RARRES1: variants seen among roughly 807,000 people sequenced by gnomAD.
RARRES1 encodes the protein retinoic acid receptor responder protein 1.
A neutral mutation model predicts 30.6 loss-of-function variants in RARRES1; 34 were observed. The ratio of observed to expected loss-of-function variants is 1.11; its 90% confidence interval spans 0.84 to 1.48. The LOEUF (loss-of-function observed/expected upper bound fraction) is 1.48, where lower values mean the gene tolerates loss of function less well. Among genes scored for constraint, RARRES1 ranks in the 40% most tolerant of loss-of-function variants. The probability of loss-of-function intolerance (pLI) is 0.00; values close to 1 mark genes in which losing one functional copy is unlikely to be tolerated. For synonymous variants in RARRES1, 153 were observed against 155.5 expected, an observed-to-expected ratio of 0.98 and a Z score of 0.12; for missense variants, 373 against 386.5, an observed-to-expected ratio of 0.97 and a Z score of 0.29.
Position 158,727,409 on chromosome 3 carries a change from C to G in RARRES1, c.276+4731G>C, listed in dbSNP as rs567842314. Among the ~76,000 whole-genome samples, 27 of 152,292 alleles carry G rather than the reference C, an allele frequency of 1.8e-4. No homozygotes were observed. In the East Asian group the frequency reaches 4.8e-3, roughly 27 times the overall value. On this transcript the variant is annotated intron_variant, in intron 1 of 5. Transcript: ENST00000237696. ...GGGTGTTTTGTTTAAGTGGCCAATT[C>G]CTAAACAATAGTGGATTCCAGAATG...
chr3:158,698,194 T>C, intron 4 of RARRES1: 2 of 507,296 alleles, frequency 3.9e-6, no homozygotes, highest in Non-Finnish European at 7.1e-6. Flanking sequence ...GTCTGTCACT[T>C]TTTCTGATGG....
intron 4 of RARRES1, 129 bp downstream of exon 4, chr3:158,704,662 C>G (rs1726853399): frequency 7.3e-7 from 1 of 1,371,850 alleles, no homozygotes; most frequent in African/African-American, 1.5e-5. Flanking sequence ...TGCAGGAACT[C>G]ACATATTTAT....
At chr3:158,716,298 C>A (rs1171995412) in intron 1 of RARRES1, among the ~76,000 whole-genome samples, 1 of 152,138 alleles carries the variant, frequency 6.6e-6, no homozygotes, top group African/African-American at 2.4e-5. Flanking sequence ...TTGATGTAGT[C>A]CCCCAGGGAA....
rs1727111109 is a variant in RARRES1 at position 158,710,920 on chromosome 3, TC to T, written c.352del (p.Glu118LysfsTer26). 1 of 1,613,758 alleles carries T rather than the reference TC, an allele frequency of 6.2e-7. No individual in the cohort carries two copies. The highest frequency in any genetic ancestry group is 1.3e-5 in the African/African-American group (1 of 74,900). Reference sequence around the variant, plus strand: ...ACATTTCCCCAAACGTCCCTCACCTTCCTGAAGTAAAGACTGTGGAGTTAAA... The same window carrying T: ...ACATTTCCCCAAACGTCCCTCACCTTCTGAAGTAAAGACTGTGGAGTTAAA... ...ERYNPESLLQ[E>X]GEGRLGKCSA... On this transcript the variant is annotated frameshift_variant, in exon 3 of 6. Coordinates refer to ENST00000237696, the MANE Select transcript of RARRES1 (RefSeq NM_206963.2). LOFTEE classifies it high-confidence loss of function.
At chr3:158,705,456 T>A (rs75610709) in intron 3 of RARRES1, among the ~76,000 whole-genome samples, 2 of 152,034 alleles carry the variant, frequency 1.3e-5, no homozygotes, top group African/African-American at 4.8e-5. Flanking sequence ...TTTTTTTTTT[T>A]AAGAGACAGG....
intron 1 of RARRES1, 28 bp from the exon 2 acceptor site, chr3:158,713,887 T>C (rs2108141824): frequency 6.3e-7 from 1 of 1,584,104 alleles, no homozygotes; most frequent in Non-Finnish European, 8.7e-7. Context: ...AATCTTAGTA[T>C]AGTAGAAGCT....
chr3:158,708,930 T>G (rs1242788877), intron 3 of RARRES1, among the ~76,000 whole-genome samples: 1 of 152,180 alleles, frequency 6.6e-6, no homozygotes, highest in African/African-American at 2.4e-5. Context: ...GTGCTGGGAT[T>G]GCAGGCATGA....
intron 3 of RARRES1, 102 bp downstream of exon 3, chr3:158,710,636 G>T: frequency 8.9e-7 from 1 of 1,125,816 alleles, no homozygotes; most frequent in Non-Finnish European, 1.3e-6. Context: ...TTAGTTGAAT[G>T]AAAGTGCCAC....
intron 1 of RARRES1, among the ~76,000 whole-genome samples, chr3:158,722,954 A>G (rs1444940780): frequency 1.3e-5 from 2 of 152,124 alleles, no homozygotes; most frequent in African/African-American, 4.8e-5. Context: ...GAGCAAATAA[A>G]AGAGCAGGGA....
Position 158,732,256 on chromosome 3 carries a change from C to A in RARRES1, c.160G>T (p.Val54Phe). 7.3e-7 allele frequency: 1 copy of A among 1,373,386 alleles called. No individual in the cohort carries two copies. Among genetic ancestry groups the A allele is most frequent in the Non-Finnish European group, 9.3e-7 (1 of 1,073,516 alleles). The allele number at this position is 1,373,386 out of a possible 1,614,324, so 85.1% of individuals were successfully genotyped here. ...GCCTGCTGCAGGAGCCTGCGCGGGACCCCAGCATCCTGAGGCTGCCCAGGG... is the reference window on the plus strand; with the variant it reads ...GCCTGCTGCAGGAGCCTGCGCGGGAACCCAGCATCCTGAGGCTGCCCAGGG... ...DDPGQPQDAG[V>F]PRRLLQQAAR... The change falls in exon 1 of 6, where the codon GTC (valine) becomes TTC (phenylalanine). Residue 54 changes from valine (V) to phenylalanine (F), a missense_variant. Coordinates refer to ENST00000237696, the MANE Select transcript of RARRES1 (RefSeq NM_206963.2).
intron 4 of RARRES1, among the ~76,000 whole-genome samples, chr3:158,702,077 G>A (rs184300154): frequency 5.3e-5 from 8 of 152,018 alleles, no homozygotes; most frequent in South Asian, 2.1e-4. Flanking sequence ...TTGCTCTGTC[G>A]CCCAGGCTGG....
At chr3:158,703,000 A>C (rs148823150) in intron 4 of RARRES1, among the ~76,000 whole-genome samples, 17 of 152,344 alleles carry the variant, frequency 1.1e-4, no homozygotes, top group African/African-American at 3.8e-4. Context: ...TGTACTCAGA[A>C]GATACTCACT....
At chr3:158,711,909 A>G (rs1727148117) in intron 2 of RARRES1, among the ~76,000 whole-genome samples, 1 of 152,174 alleles carries the variant, frequency 6.6e-6, no homozygotes, top group Non-Finnish European at 1.5e-5. Context: ...GTTTAAATGT[A>G]GATGTTTTGG....
At chr3:158,703,544 C>G (rs989524195) in intron 4 of RARRES1, among the ~76,000 whole-genome samples, 2 of 152,162 alleles carry the variant, frequency 1.3e-5, no homozygotes, top group African/African-American at 2.4e-5. Flanking sequence ...TCCACTTCCT[C>G]TCCTCCCATC....
intron 1 of RARRES1, among the ~76,000 whole-genome samples, chr3:158,717,770 A>C (rs977411924): frequency 1.3e-5 from 2 of 152,116 alleles, no homozygotes; most frequent in African/African-American, 4.8e-5. Flanking sequence ...CAGGGCTTGG[A>C]GCCAAGGTGA....
chr3:158,714,824 G>T (rs1286990338), intron 1 of RARRES1, among the ~76,000 whole-genome samples: 1 of 152,174 alleles, frequency 6.6e-6, no homozygotes, highest in Non-Finnish European at 1.5e-5. Context: ...ATTGATTAAG[G>T]TTGGACTCTG....
rs141824906 is a variant in RARRES1 at position 158,715,962 on chromosome 3, C to T, written c.277-2103G>A. Among the ~76,000 whole-genome samples the T allele has an allele frequency of 1.9e-3, 283 of 152,300 alleles. 1 individual carries two copies. Among genetic ancestry groups the T allele is most frequent in the African/African-American group, 6.4e-3 (265 of 41,572 alleles). On this transcript the variant is annotated intron_variant, in intron 1 of 5. Coordinates refer to ENST00000237696, the MANE Select transcript of RARRES1 (RefSeq NM_206963.2). The stretch of plus-strand genomic sequence containing the variant: ...CCGCAAACAACTAACACTCAGAAGG[C>T]GACACTTCAGCTTGCCAGTGGGTTC...
Position 158,718,015 on chromosome 3 carries a change from G to T in RARRES1, c.277-4156C>A, listed in dbSNP as rs1203025568. Among the ~76,000 whole-genome samples the T allele has an allele frequency of 1.2e-4, 17 of 143,168 alleles. No individual in the cohort carries two copies. In the South Asian group the frequency reaches 3.7e-3, roughly 31 times the overall value. 93.9% of individuals were successfully genotyped at this position (143,168 alleles called of 152,430 possible). On this transcript the variant is annotated intron_variant, in intron 1 of 5. Transcript: ENST00000237696. ...TTTTTTTGAGACAGAGTCTTGCTCT[G>T]TCGCCCAGGCTGGAGCACAGTTGCA...
At chr3:158,698,732 C>T (rs995788078) in intron 4 of RARRES1, among the ~76,000 whole-genome samples, 4 of 150,964 alleles carry the variant, frequency 2.6e-5, no homozygotes, top group Non-Finnish European at 4.4e-5. Context: ...GAAGAAAGAA[C>T]ATTTTTTAAA....
Sources: gnomAD v4.1 joint callset for allele counts (sites outside exome capture counted in the v4.1 genomes callset) on GRCh38, gnomAD v4.1.1 for gene constraint, MANE v1.5 for transcripts, NCBI Gene and HGNC (gene_info 2026-07-23, HGNC 2026-07-21) for gene names.